The following ADGRL3 variants were observed in gnomAD, a reference collection of about 807,000 sequenced individuals.
The protein encoded by ADGRL3 is calcium-independent alpha-latrotoxin receptor 3.
ADGRL3 carries 62 observed loss-of-function variants against 153.5 expected under a neutral mutation model. The ratio of observed to expected loss-of-function variants is 0.40; its 90% CI spans 0.33 to 0.50. ADGRL3 has a LOEUF of 0.50. Ranked by LOEUF, ADGRL3 falls within the 20% of genes least tolerant of loss-of-function variation. The probability of loss-of-function intolerance (pLI) is 0.47; values close to 1 mark genes in which losing one functional copy is unlikely to be tolerated. For missense variants in ADGRL3, 1,641 were observed against 1,859.4 expected (o/e 0.88, Z 2.16); for synonymous variants, 710 against 672.5 (o/e 1.06, Z -0.86).
intron 6 of ADGRL3, among the ~76,000 whole-genome samples, chr4:61,723,393 A>G (rs1052758890): frequency 3.3e-5 from 5 of 152,126 alleles, no homozygotes; most frequent in Non-Finnish European, 7.4e-5. Flanking sequence ...TAAGGAGAGG[A>G]AAGTTTAATA....
At chr4:61,905,270 A>G (rs2098689856) in intron 11 of ADGRL3, among the ~76,000 whole-genome samples, 1 of 152,178 alleles carries the variant, frequency 6.6e-6, no homozygotes, top group Admixed American at 6.5e-5. Context: ...TACTATACCA[A>G]CATCTCACTA....
At chr4:62,016,296 C>T (rs552816869) in intron 21 of ADGRL3, among the ~76,000 whole-genome samples, 1 of 152,164 alleles carries the variant, frequency 6.6e-6, no homozygotes, top group South Asian at 2.1e-4. Flanking sequence ...ATCTGCCCCC[C>T]TCGGCCTCCC....
intron 17 of ADGRL3, among the ~76,000 whole-genome samples, chr4:61,966,842 G>A (rs1424832130): frequency 6.6e-6 from 1 of 152,046 alleles, no homozygotes; most frequent in African/African-American, 2.4e-5. Flanking sequence ...CTATTGTAAA[G>A]TCAAAAAATC....
rs563719927 is a variant in ADGRL3, at chr4:61,775,571, TAC to T, written c.1400-38236_1400-38235del. On this transcript the variant is annotated intron_variant, in intron 8 of 26. Transcript: ENST00000683033. ...TGAGGCTTCCCCTCTCTGTCAGTTTTACAGAGGCCTACCCTTTCCCCTAGTTT... is the reference window on the plus strand; with the variant it reads ...TGAGGCTTCCCCTCTCTGTCAGTTTTAGAGGCCTACCCTTTCCCCTAGTTT... The T allele has an allele frequency of 5.3e-4, 472 of 893,514 alleles. 1 individual carries two copies. In the African/African-American group the frequency reaches 7.1e-3, roughly 13 times the overall value. 55.3% of individuals were successfully genotyped at this position (893,514 alleles called of 1,614,324 possible).
At chr4:61,579,431 G>A (rs1228197022) in intron 4 of ADGRL3, among the ~76,000 whole-genome samples, 1 of 152,036 alleles carries the variant, frequency 6.6e-6, no homozygotes, top group South Asian at 2.1e-4. Flanking sequence ...TATTTCTCGT[G>A]AATTGGAAGA....
At chr4:61,578,156 A>G (rs189069549) in intron 4 of ADGRL3, among the ~76,000 whole-genome samples, 1 of 152,196 alleles carries the variant, frequency 6.6e-6, no homozygotes, top group Admixed American at 6.6e-5. Context: ...ATTTCCTAAA[A>G]GAAGTTCCCT....
At chr4:61,346,571 C>T (rs1310704205) in intron 1 of ADGRL3, among the ~76,000 whole-genome samples, 2 of 150,644 alleles carry the variant, frequency 1.3e-5, no homozygotes, top group Non-Finnish European at 3.0e-5. Flanking sequence ...TGAAACCAGC[C>T]TGGTCAACAT....
At chr4:61,210,768 C>T (rs567545794) in intron 1 of ADGRL3, among the ~76,000 whole-genome samples, 2 of 152,246 alleles carry the variant, frequency 1.3e-5, no homozygotes, top group African/African-American at 4.8e-5. Flanking sequence ...GAATACTGAT[C>T]ATGACTTCAA....
chr4:61,946,910 T>A lies in ADGRL3; in HGVS notation c.2420-4T>A. Reference sequence around the variant, plus strand: ...AAACTAATCAGAGTTTGCATTTACTTTAGGAGAGATCAGAGTGGCCTTTGT... The same window carrying A: ...AAACTAATCAGAGTTTGCATTTACTATAGGAGAGATCAGAGTGGCCTTTGT... On this transcript the variant is annotated splice_polypyrimidine_tract_variant and splice_region_variant and intron_variant, in intron 15 of 26. Transcript: ENST00000683033. 1 of 1,611,346 alleles carries A rather than the reference T, an allele frequency of 6.2e-7. No homozygotes were observed. Among genetic ancestry groups the A allele is most frequent in the Non-Finnish European group, 8.5e-7 (1 of 1,177,502 alleles).
At chr4:61,640,463 G>A (rs1046361207) in intron 5 of ADGRL3, among the ~76,000 whole-genome samples, 10 of 152,090 alleles carry the variant, frequency 6.6e-5, no homozygotes, top group Non-Finnish European at 1.5e-4. Context: ...GATTTTGAGA[G>A]CAAACCCTCT....
chr4:61,343,437 C>T (rs1176791274), intron 1 of ADGRL3, among the ~76,000 whole-genome samples: 2 of 152,158 alleles, frequency 1.3e-5, no homozygotes, highest in Non-Finnish European at 2.9e-5. Flanking sequence ...ATCCCTCAAT[C>T]ACAGCAGCCT....
Position 61,227,672 on chromosome 4 carries a change from G to C in ADGRL3, c.-240+25907G>C, listed in dbSNP as rs181326505. ...TTTTCCTCCCACATTCAAATGTAGGGCTTACGTTTTCATTTATCATTCATG... is the reference window on the plus strand; with the variant it reads ...TTTTCCTCCCACATTCAAATGTAGGCCTTACGTTTTCATTTATCATTCATG... On this transcript the variant is annotated intron_variant, in intron 1 of 26. Transcript: ENST00000683033. Among the ~76,000 whole-genome samples, 8 of 152,190 alleles carry C rather than the reference G, an allele frequency of 5.3e-5. No individual in the cohort carries two copies. In the East Asian group the frequency reaches 1.5e-3, roughly 29 times the overall value.
intron 19 of ADGRL3, among the ~76,000 whole-genome samples, chr4:61,995,317 T>G (rs2099118003): frequency 6.6e-6 from 1 of 152,146 alleles, no homozygotes; most frequent in African/African-American, 2.4e-5. Context: ...TCATTACTTT[T>G]TTGATAGGCA....
At chr4:61,637,593 G>A (rs1008205536) in intron 5 of ADGRL3, among the ~76,000 whole-genome samples, 1 of 152,062 alleles carries the variant, frequency 6.6e-6, no homozygotes, top group African/African-American at 2.4e-5. Context: ...GTGAAACCTC[G>A]TCTATGCAAA....
chr4:61,495,167 T>C (rs1191895007), intron 2 of ADGRL3, among the ~76,000 whole-genome samples: 1 of 152,028 alleles, frequency 6.6e-6, no homozygotes, highest in African/African-American at 2.4e-5. Context: ...AGAACAGTAA[T>C]TGAGATCAGG....
intron 2 of ADGRL3, among the ~76,000 whole-genome samples, chr4:61,388,352 A>C (rs1267383684): frequency 6.6e-6 from 1 of 152,182 alleles, no homozygotes; most frequent in Non-Finnish European, 1.5e-5. Context: ...CCTCAAAAGG[A>C]AAGATGTGCT....
At chr4:61,769,612 CCTG>C (rs2097057067) in intron 8 of ADGRL3, among the ~76,000 whole-genome samples, 1 of 152,072 alleles carries the variant, frequency 6.6e-6, no homozygotes, top group African/African-American at 2.4e-5. Flanking sequence ...GCTCACTTCA[CCTG>C]GGTGCAGGCA....
chr4:61,252,609 T>A (rs1384782876), intron 1 of ADGRL3, among the ~76,000 whole-genome samples: 1 of 152,272 alleles, frequency 6.6e-6, no homozygotes, highest in East Asian at 1.9e-4. Context: ...CACAATAATA[T>A]CAAATTCAGC....
intron 4 of ADGRL3, among the ~76,000 whole-genome samples, chr4:61,520,038 G>GT (rs371439497): frequency 6.6e-5 from 10 of 152,048 alleles, no homozygotes; most frequent in African/African-American, 2.2e-4. Context: ...ATTAAGCTTT[G>GT]TTTTTTCCCC....
Sources: gnomAD v4.1 joint callset for allele counts (sites outside exome capture counted in the v4.1 genomes callset) on GRCh38, gnomAD v4.1.1 for gene constraint, MANE v1.5 for transcripts, NCBI Gene and HGNC (gene_info 2026-07-23, HGNC 2026-07-21) for gene names.